Variants in SDK1 observed in about 807,000 individuals in gnomAD.
SDK1 encodes sidekick cell adhesion molecule 1.
In SDK1, 157 loss-of-function variants were observed where a neutral mutation model predicts 245.5. The observed-to-expected ratio is 0.64, with a 90% CI of 0.56 to 0.73. SDK1 has a LOEUF of 0.73. Among genes scored for constraint, SDK1 ranks in the 30% least tolerant of loss-of-function variants. SDK1 has a pLI of 0.00. For synonymous variants in SDK1, 1,647 were observed against 1,278.5 expected (o/e 1.29, Z -6.15); for missense variants, 3,583 against 3,002.3 (o/e 1.19, Z -4.52).
intron 25 of SDK1, among the ~76,000 whole-genome samples, chr7:4,116,464 G>A (rs867972587): frequency 6.6e-6 from 1 of 152,194 alleles, no homozygotes; most frequent in Non-Finnish European, 1.5e-5. Context: ...AAGGGCCTGG[G>A]AAGCTCTGGA....
intron 1 of SDK1, among the ~76,000 whole-genome samples, chr7:3,569,695 G>T (rs1780047443): frequency 6.6e-6 from 1 of 152,184 alleles, no homozygotes; most frequent in Non-Finnish European, 1.5e-5. Flanking sequence ...AATTATTCCT[G>T]GAAATCAAAG....
At chr7:3,592,915 G>T (rs909121602) in intron 1 of SDK1, among the ~76,000 whole-genome samples, 1 of 152,230 alleles carries the variant, frequency 6.6e-6, no homozygotes, top group Non-Finnish European at 1.5e-5. Flanking sequence ...ATAACCTGGA[G>T]TCCTTGTCCT....
At chr7:3,861,979 C>T (rs1780704801) in intron 5 of SDK1, among the ~76,000 whole-genome samples, 1 of 152,166 alleles carries the variant, frequency 6.6e-6, no homozygotes, top group African/African-American at 2.4e-5. Flanking sequence ...AGTGACCCTG[C>T]CTTAAGTGAC....
chr7:4,146,437 A>T (rs1003023699), intron 29 of SDK1, among the ~76,000 whole-genome samples: 1 of 149,482 alleles, frequency 6.7e-6, no homozygotes, highest in Non-Finnish European at 1.5e-5. Context: ...GCTCTCAGAC[A>T]TGTGAGCATT....
At chr7:4,025,301 C>T (rs1787252645) in intron 17 of SDK1, among the ~76,000 whole-genome samples, 1 of 152,222 alleles carries the variant, frequency 6.6e-6, no homozygotes, top group Admixed American at 6.5e-5. Flanking sequence ...GAGGATTCAT[C>T]AGGGTCTCGG....
intron 22 of SDK1, among the ~76,000 whole-genome samples, chr7:4,101,619 G>C (rs1176999609): frequency 6.6e-6 from 1 of 152,172 alleles, no homozygotes; most frequent in African/African-American, 2.4e-5. Context: ...ACTGACCCTC[G>C]ATGACAGAGG....
chr7:3,429,645 G>A (rs1779774747), intron 1 of SDK1, among the ~76,000 whole-genome samples: 1 of 148,052 alleles, frequency 6.8e-6, no homozygotes, highest in South Asian at 2.1e-4. Context: ...CACCCAGGCT[G>A]TAGTGCAGTG....
rs374281369 is a variant in SDK1, at chr7:3,951,887, C to T, written c.1117C>T (p.Pro373Ser). 9.9e-6 allele frequency: 16 copies of T among 1,613,420 alleles called. No individual in the cohort carries two copies. In the African/African-American group the frequency reaches 1.9e-4, roughly 19 times the overall value. The change falls in exon 7 of 45, where the codon CCG becomes TCG. Residue 373 changes from proline to serine, a missense_variant. Transcript: ENST00000404826. The part of the protein sequence containing the change: ...EAALPGSAFE[P>S]ARATAFLFII... The stretch of plus-strand genomic sequence containing the variant: ...GGCGCTGCCGGGGAGCGCTTTTGAA[C>T]CGGCCAGGGCGACGGCCTTTCTTTT...
At chr7:3,400,863 C>G (rs1778869691) in intron 1 of SDK1, among the ~76,000 whole-genome samples, 1 of 152,142 alleles carries the variant, frequency 6.6e-6, no homozygotes, top group Non-Finnish European at 1.5e-5. Context: ...CCTCAGTTTT[C>G]AAAGCCATTC....
chr7:3,957,603 C>T (rs1359607300), intron 7 of SDK1, among the ~76,000 whole-genome samples: 1 of 152,124 alleles, frequency 6.6e-6, no homozygotes, highest in Non-Finnish European at 1.5e-5. Flanking sequence ...TAGATATTGA[C>T]TTAGCTTCCC....
chr7:4,117,454 C>T (rs1345398515), intron 25 of SDK1, among the ~76,000 whole-genome samples: 1 of 152,144 alleles, frequency 6.6e-6, no homozygotes, highest in East Asian at 1.9e-4. Flanking sequence ...GCCAACGGAG[C>T]AGGTTATTAT....
chr7:4,241,982 G>A (rs142550323), intron 43 of SDK1, 69 bp downstream of exon 43: 7 of 1,565,402 alleles, frequency 4.5e-6, no homozygotes, highest in East Asian at 2.2e-5. Context: ...GGCAGCCCAC[G>A]CCCACTGGCA....
intron 4 of SDK1, among the ~76,000 whole-genome samples, chr7:3,645,430 G>C (rs1455095055): frequency 6.6e-6 from 1 of 152,086 alleles, no homozygotes; most frequent in African/African-American, 2.4e-5. Flanking sequence ...TACCTGCTGT[G>C]CAAGATTACA....
chr7:3,693,471 T>G lies in SDK1; in HGVS notation c.713+51366T>G, dbSNP rs183242395. Among the ~76,000 whole-genome samples the G allele has an allele frequency of 1.2e-3, 185 of 152,350 alleles. 1 individual carries two copies. Among genetic ancestry groups the G allele is most frequent in the Admixed American group, 5.6e-3 (86 of 15,294 alleles). Reference sequence around the variant, plus strand: ...TCGGTTTGAGGAGAACTGACATCTTTACAACATTGCCCCATTTCCTCCAGA... The same window carrying G: ...TCGGTTTGAGGAGAACTGACATCTTGACAACATTGCCCCATTTCCTCCAGA... On this transcript the variant is annotated intron_variant, in intron 4 of 44. Coordinates refer to ENST00000404826, the MANE Select transcript of SDK1 (RefSeq NM_152744.4).
At chr7:4,078,668 A>G (rs539965861) in intron 21 of SDK1, among the ~76,000 whole-genome samples, 1 of 152,188 alleles carries the variant, frequency 6.6e-6, no homozygotes, top group South Asian at 2.1e-4. Context: ...AGTATTTTGC[A>G]TGGCACAGTA....
At chr7:3,587,300 C>T (rs992847971) in intron 1 of SDK1, among the ~76,000 whole-genome samples, 1 of 149,164 alleles carries the variant, frequency 6.7e-6, no homozygotes, top group Non-Finnish European at 1.5e-5. Context: ...AGAAACAGAA[C>T]GTGTGTGTGT....
At chr7:4,227,691 AC>A (rs1334979843) in intron 40 of SDK1, among the ~76,000 whole-genome samples, 1 of 152,166 alleles carries the variant, frequency 6.6e-6, no homozygotes, top group African/African-American at 2.4e-5. Context: ...ATGAAATCAA[AC>A]TTTTGTATTG....
chr7:3,430,652 C>G (rs1324314239), intron 1 of SDK1, among the ~76,000 whole-genome samples: 1 of 152,188 alleles, frequency 6.6e-6, no homozygotes, highest in African/African-American at 2.4e-5. Context: ...AGACCTGATT[C>G]CAGAATCCCA....
At chr7:3,570,485 G>T (rs1268160299) in intron 1 of SDK1, among the ~76,000 whole-genome samples, 1 of 152,088 alleles carries the variant, frequency 6.6e-6, no homozygotes. Flanking sequence ...CCGGAGTTGG[G>T]GATCCCTGCC....
Sources: gnomAD v4.1 joint callset for allele counts (sites outside exome capture counted in the v4.1 genomes callset) on GRCh38, gnomAD v4.1.1 for gene constraint, MANE v1.5 for transcripts, NCBI Gene and HGNC (gene_info 2026-07-23, HGNC 2026-07-21) for gene names.